SIK3: variants seen among roughly 807,000 people sequenced by gnomAD.
The protein encoded by SIK3 is SIK family kinase 3.
SIK3 carries 28 observed loss-of-function variants against 144.2 expected under a neutral mutation model. That is an observed-to-expected ratio of 0.19 (90% CI 0.14 to 0.27). The LOEUF (loss-of-function observed/expected upper bound fraction) is 0.27. Among genes scored for constraint, SIK3 ranks in the 10% least tolerant of loss-of-function variants. SIK3 has a pLI of 1.00. For synonymous variants in SIK3, 686 were observed against 676.3 expected (o/e 1.01, Z -0.22); for missense variants, 1,319 against 1,776.0 (o/e 0.74, Z 4.62).
At chr11:117,083,342 T>C (rs911381225) in intron 1 of SIK3, among the ~76,000 whole-genome samples, 14 of 152,170 alleles carry the variant, frequency 9.2e-5, no homozygotes, top group African/African-American at 3.4e-4. Context: ...TGAAATCCTT[T>C]AAAGAGATCC....
In SIK3 at chr11:116,845,473, T is replaced by C. The variant is rs1287202762; in HGVS notation, c.*170A>G. Reference sequence around the variant, plus strand: ...CATACAAGCAAACATGGCAAAACCCTCTCAGAACCCAAAAGAACAGCACAC... The same window carrying C: ...CATACAAGCAAACATGGCAAAACCCCCTCAGAACCCAAAAGAACAGCACAC... On this transcript the variant is annotated 3_prime_UTR_variant, in exon 25 of 25. Coordinates refer to ENST00000445177, the MANE Select transcript of SIK3 (RefSeq NM_001366686.3). The C allele has an allele frequency of 1.3e-5, 2 of 152,114 alleles. No individual in the cohort carries two copies. The highest frequency in any genetic ancestry group is 4.8e-5 in the African/African-American group (2 of 41,416). The allele number at this position is 152,114 out of a possible 1,614,324, so 9.4% of individuals were successfully genotyped here. A position where few individuals can be genotyped will look rare whatever the true frequency, so the allele number is the denominator to read the frequency against.
chr11:116,887,977 A>C (rs12292278), intron 6 of SIK3, among the ~76,000 whole-genome samples: 10,906 of 151,598 alleles, frequency 0.072, 452 homozygotes, highest in Middle Eastern at 0.12. Flanking sequence ...ATAGAAATAT[A>C]CATGAATTGT....
rs1223617959 is a variant in SIK3 at position 116,858,405 on chromosome 11, C to G, written c.3060G>C (p.Leu1020=). 6.2e-7 allele frequency: 1 copy of G among 1,612,612 alleles called. No individual in the cohort carries two copies. The highest frequency in any genetic ancestry group is 1.3e-5 in the African/African-American group (1 of 74,914). ...CGGTGAGCGAATGCCGGGGAGAAAG[C>G]AGTCCTTGAAGGATGTGGGGTACCT... The part of the protein sequence containing the change: ...HQQVPHILQG[L]LSPRHSLTGH... Residue 1020 remains leucine (L), a synonymous_variant, in exon 21 of 25, where the codon CTG becomes CTC. Coordinates refer to ENST00000445177, the MANE Select transcript of SIK3 (RefSeq NM_001366686.3). This position sits in a 1 kb window ranked among gnomAD's most constrained non-coding sequence, Gnocchi z 5.4.
At chr11:117,023,615 A>ACAAAC (rs1555131677) in intron 1 of SIK3, among the ~76,000 whole-genome samples, 2 of 103,996 alleles carry the variant, frequency 1.9e-5, no homozygotes, top group Non-Finnish European at 3.7e-5. Flanking sequence ...CAAACAAAAA[A>ACAAAC]AAAAAAATAT....
chr11:116,873,219 G>C (rs1279174542), intron 13 of SIK3, among the ~76,000 whole-genome samples: 1 of 152,246 alleles, frequency 6.6e-6, no homozygotes, highest in Non-Finnish European at 1.5e-5. Context: ...GACTTAACCA[G>C]GGTACCTGTG....
intron 1 of SIK3, among the ~76,000 whole-genome samples, chr11:116,976,376 T>C (rs780118922): frequency 6.6e-6 from 1 of 152,262 alleles, no homozygotes; most frequent in Non-Finnish European, 1.5e-5. Flanking sequence ...TAGAGAGTTT[T>C]GTGGTCCACT....
intron 1 of SIK3, among the ~76,000 whole-genome samples, chr11:117,017,627 T>C (rs576151722): frequency 6.6e-6 from 1 of 152,256 alleles, no homozygotes; most frequent in South Asian, 2.1e-4. Flanking sequence ...GTAAAAGTCA[T>C]TTACTCCTGA....
At chr11:116,854,986 T>C (rs1942762961) in intron 21 of SIK3, among the ~76,000 whole-genome samples, 1 of 144,900 alleles carries the variant, frequency 6.9e-6, no homozygotes, top group African/African-American at 2.6e-5. Flanking sequence ...CTTAGGAGGC[T>C]GAGGCAGGAG....
intron 1 of SIK3, among the ~76,000 whole-genome samples, chr11:117,060,377 A>G (rs1297086935): frequency 1.3e-5 from 2 of 152,044 alleles, no homozygotes; most frequent in African/African-American, 4.8e-5. Flanking sequence ...CAGGCGGATC[A>G]CCTGAGATCA....
intron 1 of SIK3, among the ~76,000 whole-genome samples, chr11:116,984,048 C>A (rs113184611): frequency 0.2 from 21,779 of 107,250 alleles, 1,847 homozygotes; most frequent in African/African-American, 0.33. Context: ...AAGACCCTGA[C>A]TCAAAAAAAA....
At chr11:117,007,609 T>A (rs932786715) in intron 1 of SIK3, among the ~76,000 whole-genome samples, 1 of 152,188 alleles carries the variant, frequency 6.6e-6, no homozygotes, top group African/African-American at 2.4e-5. Flanking sequence ...TGTTGGGGGA[T>A]CCTATACTCC....
At chr11:116,894,040 C>T (rs1244343998) in intron 6 of SIK3, 1 of 167,246 alleles carries the variant, frequency 6.0e-6, no homozygotes, top group African/African-American at 2.4e-5. Flanking sequence ...CTAAATGCAA[C>T]ATTCAGTTCT....
chr11:117,010,076 G>A (rs1419970046), intron 1 of SIK3, among the ~76,000 whole-genome samples: 5 of 151,904 alleles, frequency 3.3e-5, no homozygotes, highest in Non-Finnish European at 5.9e-5. Context: ...TGATCATCAA[G>A]GGGACGGTGG....
At chr11:117,085,427 C>G (rs1319729493) in intron 1 of SIK3, among the ~76,000 whole-genome samples, 1 of 151,956 alleles carries the variant, frequency 6.6e-6, no homozygotes, top group Admixed American at 6.6e-5. Context: ...ATACCCAGCC[C>G]TGGGGTTTGG....
chr11:116,856,484 C>T (rs1052453569), intron 21 of SIK3, among the ~76,000 whole-genome samples: 1 of 152,186 alleles, frequency 6.6e-6, no homozygotes, highest in African/African-American at 2.4e-5. Flanking sequence ...ATCTAACAAG[C>T]GTGATGTTTC....
chr11:117,052,280 T>C (rs558668497), intron 1 of SIK3, among the ~76,000 whole-genome samples: 34 of 152,222 alleles, frequency 2.2e-4, no homozygotes, highest in South Asian at 1.9e-3. Context: ...TTATAATGCA[T>C]GAGAAAAGTC....
intron 6 of SIK3, among the ~76,000 whole-genome samples, chr11:116,878,068 C>T (rs554236186): frequency 6.6e-6 from 1 of 152,300 alleles, no homozygotes; most frequent in South Asian, 2.1e-4. Context: ...CACAATGCTA[C>T]CCTGCCCCTG....
At chr11:117,048,633 G>A (rs1953077165) in intron 1 of SIK3, among the ~76,000 whole-genome samples, 1 of 151,940 alleles carries the variant, frequency 6.6e-6, no homozygotes, top group South Asian at 2.1e-4. Context: ...TCCAGCCTGG[G>A]CAATAAGAGC....
At chr11:116,848,993 C>A in intron 22 of SIK3, 127 bp downstream of exon 22, 1 of 1,101,612 alleles carries the variant, frequency 9.1e-7, no homozygotes, top group Non-Finnish European at 1.2e-6. Flanking sequence ...TGCTCCCCAC[C>A]GTTTCCAGAA....
Sources: gnomAD v4.1 joint callset for allele counts (sites outside exome capture counted in the v4.1 genomes callset) on GRCh38, gnomAD v4.1.1 for gene constraint, Gnocchi (gnomAD v3.1) non-coding constraint, MANE v1.5 for transcripts, NCBI Gene and HGNC (gene_info 2026-07-23, HGNC 2026-07-21) for gene names.